SLC27A6: variants seen among roughly 807,000 people sequenced by gnomAD.
SLC27A6 encodes long-chain fatty acid transport protein 6.
SLC27A6 carries 74 observed loss-of-function variants against 63.9 expected under a neutral mutation model. The observed-to-expected ratio is 1.16, with a 90% CI of 0.96 to 1.40. SLC27A6 has a LOEUF of 1.40. Ranked by LOEUF, SLC27A6 falls within the 40% of genes most tolerant of loss-of-function variation. SLC27A6 has a pLI of 0.00. For missense variants in SLC27A6, 794 were observed against 732.9 expected, an observed-to-expected ratio of 1.08 and a Z score of -0.96; for synonymous variants, 287 against 260.8, an observed-to-expected ratio of 1.10 and a Z score of -0.97.
chr5:128,977,601 A>G (rs553350322), intron 1 of SLC27A6, among the ~76,000 whole-genome samples: 9 of 152,196 alleles, frequency 5.9e-5, no homozygotes, highest in Non-Finnish European at 8.8e-5. Context: ...AGAAAATCTG[A>G]ACTCTAGTTC....
intron 5 of SLC27A6, among the ~76,000 whole-genome samples, chr5:129,021,229 A>T (rs566502522): frequency 1.6e-4 from 24 of 150,910 alleles, no homozygotes; most frequent in Non-Finnish European, 3.1e-4. Context: ...ATTAAGAATG[A>T]CATTCCAAGG....
intron 4 of SLC27A6, among the ~76,000 whole-genome samples, chr5:128,995,852 A>G (rs935245361): frequency 3.3e-5 from 5 of 152,180 alleles, no homozygotes; most frequent in South Asian, 2.1e-4. Flanking sequence ...GGAAAAAATT[A>G]GACCACTTTG....
chr5:129,032,340 C>T (rs1163635630), intron 9 of SLC27A6, among the ~76,000 whole-genome samples: 1 of 151,962 alleles, frequency 6.6e-6, no homozygotes, highest in Non-Finnish European at 1.5e-5. Context: ...GTAAGTTGGG[C>T]CACAGTTCTT....
At chr5:128,972,507 T>TCATTC (rs1561609314) in intron 1 of SLC27A6, among the ~76,000 whole-genome samples, 2 of 152,320 alleles carry the variant, frequency 1.3e-5, no homozygotes, top group South Asian at 4.1e-4. Context: ...TCATTTCATT[T>TCATTC]CATTCATTTG....
At chr5:129,016,411 A>G (rs1580740705) in intron 5 of SLC27A6, among the ~76,000 whole-genome samples, 1 of 148,714 alleles carries the variant, frequency 6.7e-6, no homozygotes, top group Non-Finnish European at 1.5e-5. Flanking sequence ...AAAAAAAAAA[A>G]AAAAAAAGGA....
intron 6 of SLC27A6, among the ~76,000 whole-genome samples, chr5:129,024,989 A>T (rs750222153): frequency 6.6e-6 from 1 of 152,138 alleles, no homozygotes; most frequent in Non-Finnish European, 1.5e-5. Flanking sequence ...GACACTGCCC[A>T]TGGGAAAATA....
At position 128,990,458 on chromosome 5, in the gene SLC27A6, A is replaced by G. The variant is rs1420945769; in HGVS notation, c.963A>G (p.Gln321=). ...IGELCRYLCK[Q]SKREGEKDHK... is the part of the protein sequence containing the mutation. ...AACTTTGTCGCTACCTTTGCAAACA[A>G]TCTAAGGTAGGCGTAATCATTATCA... Residue 321 remains glutamine, a synonymous_variant, in exon 4 of 10, where the codon CAA becomes CAG. Transcript: ENST00000262462. 2.2e-5 allele frequency: 35 copies of G among 1,610,266 alleles called. No individual in the cohort carries two copies. The highest frequency in any genetic ancestry group is 2.8e-5 in the Non-Finnish European group (33 of 1,179,046).
chr5:128,988,291 A>G (rs983584637), intron 2 of SLC27A6, among the ~76,000 whole-genome samples: 1 of 152,200 alleles, frequency 6.6e-6, no homozygotes, highest in South Asian at 2.1e-4. Flanking sequence ...TACTGAAACC[A>G]AATGTGTGCT....
chr5:129,004,302 G>A (rs909020716), intron 4 of SLC27A6, among the ~76,000 whole-genome samples: 1 of 151,860 alleles, frequency 6.6e-6, no homozygotes, highest in South Asian at 2.1e-4. Flanking sequence ...TCATATTCTT[G>A]CTCTTGCCTG....
Position 128,988,627 on chromosome 5 carries a change from A to T in SLC27A6, c.713A>T (p.Gln238Leu). 1 of 1,614,046 alleles carries T rather than the reference A, an allele frequency of 6.2e-7. No individual in the cohort carries two copies. The highest frequency in any genetic ancestry group is 8.5e-7 in the Non-Finnish European group (1 of 1,179,966). ...TGLPKAAVIS[Q>L]LQVLRGSAVL... ...CTACCAAAAGCAGCTGTGATTAGTC[A>T]GCTGCAGGTTTTAAGGGGTTCTGCT... Residue 238 changes from glutamine to leucine, a missense_variant, in exon 3 of 10, where the codon CAG becomes CTG. Coordinates refer to ENST00000262462, the MANE Select transcript of SLC27A6 (RefSeq NM_001017372.3).
rs535983940 is a variant in SLC27A6, at chr5:129,009,594, A to G, written c.970-6291A>G. 1.6e-3 allele frequency among the ~76,000 whole-genome samples: 238 copies of G among 152,120 alleles called. 1 individual carries two copies. The highest frequency in any genetic ancestry group is 2.0e-3 in the Non-Finnish European group (133 of 68,004). On this transcript the variant is annotated intron_variant, in intron 4 of 9. Transcript: ENST00000262462. The stretch of plus-strand genomic sequence containing the variant: ...ATTCCTTATAAATAATAATTGTCCC[A>G]TTTTTATATTTTAAATTTAGCTTTC...
chr5:128,969,471 G>C (rs1304654712), intron 1 of SLC27A6, among the ~76,000 whole-genome samples: 3 of 152,088 alleles, frequency 2.0e-5, no homozygotes, highest in African/African-American at 4.8e-5. Context: ...TCCTTGAAGA[G>C]GTCCTTCACA....
intron 4 of SLC27A6, among the ~76,000 whole-genome samples, chr5:129,005,762 G>C (rs1751501141): frequency 6.6e-6 from 1 of 151,462 alleles, no homozygotes; most frequent in Admixed American, 6.6e-5. Context: ...ACAGGCGCCT[G>C]CCACCATGCC....
chr5:129,003,967 CAAAAAAAAA>C (rs779667758), intron 4 of SLC27A6, among the ~76,000 whole-genome samples: 1 of 69,424 alleles, frequency 1.4e-5, no homozygotes, highest in South Asian at 5.8e-4. Flanking sequence ...GACCCTGTCT[CAAAAAAAAA>C]AAAAAAAAAA....
Position 128,981,623 on chromosome 5 carries a change from G to A in SLC27A6, c.482-3510G>A, listed in dbSNP as rs946851026. ...GGCCAGGTAGAGTGAGCAGAAGGAT[G>A]GAGGAGAACACACATCATTCTTTTG... On this transcript the variant is annotated intron_variant, in intron 1 of 9. Coordinates refer to ENST00000262462, the MANE Select transcript of SLC27A6 (RefSeq NM_001017372.3). 6.6e-5 allele frequency among the ~76,000 whole-genome samples: 10 copies of A among 152,280 alleles called. No individual in the cohort carries two copies. The South Asian group carries it at 1.9e-3, about 28-fold the overall frequency.
intron 1 of SLC27A6, among the ~76,000 whole-genome samples, chr5:128,972,230 A>G (rs762974647): frequency 1.3e-5 from 2 of 152,134 alleles, no homozygotes; most frequent in Admixed American, 6.5e-5. Flanking sequence ...GAATCTGACA[A>G]TTATGTGTCT....
At chr5:128,977,631 T>C (rs968336234) in intron 1 of SLC27A6, among the ~76,000 whole-genome samples, 1 of 152,184 alleles carries the variant, frequency 6.6e-6, no homozygotes, top group Non-Finnish European at 1.5e-5. Context: ...CTTGCCTAGA[T>C]GTATGAGCTT....
intron 5 of SLC27A6, among the ~76,000 whole-genome samples, chr5:129,020,882 A>G (rs1424138060): frequency 6.6e-6 from 1 of 152,126 alleles, no homozygotes; most frequent in African/African-American, 2.4e-5. Context: ...GGCAGAATCC[A>G]GGAGGGTACC....
At chr5:129,006,744 C>G (rs1751554089) in intron 4 of SLC27A6, among the ~76,000 whole-genome samples, 1 of 151,940 alleles carries the variant, frequency 6.6e-6, no homozygotes, top group Non-Finnish European at 1.5e-5. Context: ...ATGTTTAACT[C>G]TTTTGTAAGT....
Sources: allele counts gnomAD v4.1 joint callset (sites outside exome capture counted in the v4.1 genomes callset), GRCh38; gene constraint gnomAD v4.1.1; transcripts MANE v1.5; gene names NCBI Gene and HGNC (gene_info 2026-07-23, HGNC 2026-07-21).